The following CHD1 variants were observed in gnomAD, a reference collection of about 807,000 sequenced individuals.
CHD1 encodes the protein chromodomain helicase DNA binding protein 1, also known as ATP-dependent chromatin remodeler CHD1.
In CHD1, 36 loss-of-function variants were observed where a neutral mutation model predicts 224.2. The ratio of observed to expected loss-of-function variants is 0.16; its 90% CI spans 0.12 to 0.21. The LOEUF is 0.21. CHD1 is among the 10% of genes least tolerant of loss of function. The pLI is 1.00. For synonymous variants in CHD1, 668 were observed against 658.3 expected, an observed-to-expected ratio of 1.01 and a Z score of -0.23; for missense variants, 1,378 against 1,994.8, an observed-to-expected ratio of 0.69 and a Z score of 5.89.
intron 33 of CHD1, 140 bp downstream of exon 33, chr5:98,859,832 A>G: frequency 2.2e-6 from 1 of 454,626 alleles, no homozygotes; most frequent in Non-Finnish European, 4.0e-6. Flanking sequence ...GCCTGCAACA[A>G]TCATTACTGT....
chr5:98,895,811 G>A (rs535078486), intron 12 of CHD1, among the ~76,000 whole-genome samples: 1 of 150,546 alleles, frequency 6.6e-6, no homozygotes, highest in African/African-American at 2.4e-5. Flanking sequence ...AACCAAAACT[G>A]ACTTTGTTAC....
rs375243172 is a variant in CHD1 at position 98,901,129 on chromosome 5, T to C, written c.588-47A>G. On this transcript the variant is annotated intron_variant, in intron 6 of 35. Transcript: ENST00000614616. ...AAAAAACAAGATTTGAGAAACTATA[T>C]ACAAAAAGAACAAATACTTTCCACA... 1.8e-5 allele frequency: 28 copies of C among 1,574,130 alleles called. No individual in the cohort carries two copies. The African/African-American group carries it at 2.9e-4, about 16-fold the overall frequency.
intron 33 of CHD1, 107 bp downstream of exon 33, chr5:98,859,865 A>C: frequency 1.7e-6 from 1 of 576,342 alleles, no homozygotes; most frequent in Non-Finnish European, 3.0e-6. Context: ...TGATTTTTTA[A>C]ATTTATCTTA....
chr5:98,872,242 C>A (rs2112324901), intron 27 of CHD1, 41 bp from the exon 28 acceptor site: 1 of 1,563,858 alleles, frequency 6.4e-7, no homozygotes. Flanking sequence ...TTTGTAATTG[C>A]CTTAACTGAA....
intron 26 of CHD1, 37 bp from the exon 27 acceptor site, chr5:98,872,592 T>A (rs145773846): frequency 2.2e-4 from 341 of 1,569,090 alleles, no homozygotes; most frequent in Middle Eastern, 5.0e-4. Context: ...TTTTTAAAAG[T>A]ATAAAACATA....
At chr5:98,893,217 C>T (rs1751132548) in intron 14 of CHD1, among the ~76,000 whole-genome samples, 199 bp downstream of exon 14, 1 of 152,124 alleles carries the variant, frequency 6.6e-6, no homozygotes, top group Non-Finnish European at 1.5e-5. Flanking sequence ...TTACACATGG[C>T]TTAAGTTTAT....
chr5:98,876,664 G>A, intron 23 of CHD1, 106 bp from the exon 24 acceptor site: 1 of 968,018 alleles, frequency 1.0e-6, no homozygotes, highest in South Asian at 1.7e-5. Flanking sequence ...GTTATTAAAT[G>A]TATCAAAAAC....
At chr5:98,874,718 A>G (rs1025625764) in intron 25 of CHD1, among the ~76,000 whole-genome samples, 5 of 147,962 alleles carry the variant, frequency 3.4e-5, no homozygotes, top group African/African-American at 1.2e-4. Context: ...TTTAAAAAGA[A>G]AAAAAAAAAA....
intron 2 of CHD1, among the ~76,000 whole-genome samples, chr5:98,920,695 G>A (rs1450004952): frequency 6.6e-6 from 1 of 152,040 alleles, no homozygotes; most frequent in African/African-American, 2.4e-5. Context: ...CACTCGGGAG[G>A]CTGTGGCAGG....
intron 28 of CHD1, among the ~76,000 whole-genome samples, chr5:98,871,141 C>G (rs759997281): frequency 2.0e-5 from 3 of 151,772 alleles, no homozygotes; most frequent in Non-Finnish European, 4.4e-5. Context: ...ACCTTCCCTT[C>G]TCAGTAAAAG....
chr5:98,899,580 G>A lies in CHD1; in HGVS notation c.985C>T (p.His329Tyr). The A allele has an allele frequency of 6.2e-7, 1 of 1,613,224 alleles. No homozygotes were observed. The highest frequency in any genetic ancestry group is 8.5e-7 in the Non-Finnish European group (1 of 1,179,626). The part of the protein sequence containing the change: ...LIKWKGWSHI[H>Y]NTWETEETLK... ...GTTTCTTCTGTCTCCCAAGTGTTGT[G>A]GATATGGGACCATCCTTTCCATTTA... Residue 329 changes from histidine to tyrosine, a missense_variant, in exon 8 of 36, where the codon CAC (histidine) becomes TAC (tyrosine). Around this residue, in one of 16 missense-constraint regions of CHD1, gnomAD observed 6 missense variants for 37.0 expected, o/e 0.16. Coordinates refer to ENST00000614616, the MANE Select transcript of CHD1 (RefSeq NM_001270.4).
chr5:98,925,918 T>C (rs375377991), intron 2 of CHD1, among the ~76,000 whole-genome samples: 1 of 151,572 alleles, frequency 6.6e-6, no homozygotes, highest in East Asian at 1.9e-4. Flanking sequence ...ATGTGGCTAG[T>C]GGTTACCACA....
chr5:98,880,943 A>G (rs1750129417), intron 22 of CHD1, 133 bp downstream of exon 22: 2 of 665,654 alleles, frequency 3.0e-6, no homozygotes, highest in Non-Finnish European at 5.3e-6. Flanking sequence ...TTGTCTGAAC[A>G]AGAGAGAGTA....
chr5:98,885,231 A>C (rs1283859489), intron 18 of CHD1, among the ~76,000 whole-genome samples: 1 of 152,064 alleles, frequency 6.6e-6, no homozygotes, highest in Non-Finnish European at 1.5e-5. Flanking sequence ...ATCTCTACTA[A>C]AACTACAAAA....
intron 1 of CHD1, among the ~76,000 whole-genome samples, chr5:98,926,933 G>T (rs1580552524): frequency 1.4e-5 from 1 of 69,668 alleles, no homozygotes; most frequent in Non-Finnish European, 2.6e-5. Flanking sequence ...GGGGGGGTGG[G>T]AGGAGGTTAC....
intron 2 of CHD1, among the ~76,000 whole-genome samples, chr5:98,920,712 G>T (rs572284929): frequency 4.0e-5 from 6 of 151,250 alleles, no homozygotes; most frequent in African/African-American, 1.2e-4. Context: ...CAGGAGAATC[G>T]TTTGAACCCA....
At chr5:98,911,003 C>T (rs1024715492) in intron 2 of CHD1, among the ~76,000 whole-genome samples, 4 of 151,010 alleles carry the variant, frequency 2.6e-5, no homozygotes, top group Admixed American at 2.6e-4. Flanking sequence ...TCACCTAGCA[C>T]CTAGATCCTG....
chr5:98,910,318 A>G (rs1305944833), intron 2 of CHD1, among the ~76,000 whole-genome samples: 1 of 152,204 alleles, frequency 6.6e-6, no homozygotes, highest in Non-Finnish European at 1.5e-5. Flanking sequence ...TGATTATTAA[A>G]GTTAAGATGA....
chr5:98,868,898 G>C, intron 30 of CHD1: 1 of 498,504 alleles, frequency 2.0e-6, no homozygotes, highest in Admixed American at 5.3e-5. Flanking sequence ...ACCCAAACAT[G>C]CTTCTGAAGA....
Sources: allele counts gnomAD v4.1 joint callset (sites outside exome capture counted in the v4.1 genomes callset), GRCh38; gene constraint gnomAD v4.1.1; regional missense constraint gnomAD v4.1.1; transcripts MANE v1.5; gene names NCBI Gene and HGNC (gene_info 2026-07-23, HGNC 2026-07-21).